The following NRP2 variants were observed in gnomAD, a reference collection of about 807,000 sequenced individuals.
NRP2 encodes the protein neuropilin-2.
A neutral mutation model predicts 110.4 loss-of-function variants in NRP2; 52 were observed. That is an observed-to-expected ratio of 0.47 (90% confidence interval 0.38 to 0.59). The LOEUF is 0.59. Among genes scored for constraint, NRP2 ranks in the 20% least tolerant of loss-of-function variants. The pLI is 0.00. For synonymous variants in NRP2, 508 were observed against 468.9 expected (o/e 1.08, Z -1.08); for missense variants, 1,049 against 1,203.0 (o/e 0.87, Z 1.89).
chr2:205,708,570 T>C (rs1433387016), intron 2 of NRP2, among the ~76,000 whole-genome samples: 2 of 152,154 alleles, frequency 1.3e-5, no homozygotes, highest in African/African-American at 4.8e-5. Context: ...GCCTGCTCCA[T>C]GAGGAACAAT....
rs1163774095 is a variant in NRP2, at chr2:205,740,547, A to G, written c.1175A>G (p.Glu392Gly). 2.5e-6 allele frequency: 4 copies of G among 1,614,230 alleles called. No individual in the cohort carries two copies. In the Admixed American group the frequency reaches 6.7e-5, roughly 27 times the overall value. ...TTTCAAGCCAACAACGATGCAACTGAGGTGGTTCTGAACAAGCTCCACGCT... is the reference window on the plus strand; with the variant it reads ...TTTCAAGCCAACAACGATGCAACTGGGGTGGTTCTGAACAAGCTCCACGCT... ...KVFQANNDAT[E>G]VVLNKLHAPL... Residue 392 changes from glutamate (E) to glycine (G), a missense_variant, in exon 8 of 17, where the codon GAG (glutamate) becomes GGG (glycine). Transcript: ENST00000357785.
At chr2:205,748,677 T>C (rs1198414525) in intron 10 of NRP2, among the ~76,000 whole-genome samples, 1 of 152,176 alleles carries the variant, frequency 6.6e-6, no homozygotes, top group East Asian at 1.9e-4. Flanking sequence ...TCACATACAG[T>C]AGTGCAAAGG....
intron 11 of NRP2, among the ~76,000 whole-genome samples, chr2:205,750,554 C>T (rs1332556591): frequency 6.6e-6 from 1 of 152,140 alleles, no homozygotes. Context: ...TAGATAAAAA[C>T]AATAATTGGC....
At chr2:205,773,111 C>G (rs986277483) in intron 15 of NRP2, among the ~76,000 whole-genome samples, 4 of 152,192 alleles carry the variant, frequency 2.6e-5, no homozygotes, top group African/African-American at 9.7e-5. Flanking sequence ...ATTGATTTAT[C>G]GTCTTCCTTT....
At chr2:205,740,692 G>A in intron 8 of NRP2, 29 bp downstream of exon 8, 1 of 1,613,152 alleles carries the variant, frequency 6.2e-7, no homozygotes, top group Non-Finnish European at 8.5e-7. Flanking sequence ...TGAGGTTGGG[G>A]TGCTGATTGA....
chr2:205,777,437 C>T (rs1358956444), intron 15 of NRP2: 1 of 152,224 alleles, frequency 6.6e-6, no homozygotes, highest in Non-Finnish European at 1.5e-5. Flanking sequence ...AATGTTTAGC[C>T]TTTATCAGTT....
At chr2:205,708,682 G>A (rs1049745941) in intron 2 of NRP2, among the ~76,000 whole-genome samples, 9 of 152,110 alleles carry the variant, frequency 5.9e-5, no homozygotes, top group Non-Finnish European at 1.0e-4. Flanking sequence ...TTGCCTTCAA[G>A]GTTTTTTGGA....
At chr2:205,789,585 C>A (rs1271659680) in intron 15 of NRP2, among the ~76,000 whole-genome samples, 2 of 152,226 alleles carry the variant, frequency 1.3e-5, no homozygotes, top group Non-Finnish European at 2.9e-5. Flanking sequence ...CTGTGGCTGC[C>A]ATTTCCCCTT....
At chr2:205,791,733 CT>C (rs1360852465) in intron 15 of NRP2, among the ~76,000 whole-genome samples, 12 of 151,842 alleles carry the variant, frequency 7.9e-5, no homozygotes, top group Admixed American at 7.2e-4. Flanking sequence ...TCCATTTCTG[CT>C]CTTAAATTAA....
chr2:205,778,658 TTA>T (rs2105952784), intron 15 of NRP2: 1 of 152,280 alleles, frequency 6.6e-6, no homozygotes, highest in Admixed American at 6.5e-5. Flanking sequence ...CATTGAGAAA[TTA>T]TGTCTGGAAA....
chr2:205,722,168 C>CTCTCTCTCTG (rs1181631757), intron 3 of NRP2: 3 of 361,290 alleles, frequency 8.3e-6, no homozygotes, highest in African/African-American at 7.1e-5. Flanking sequence ...CTCTCTCTCT[C>CTCTCTCTCTG]TCATACACAC....
chr2:205,700,885 C>A, intron 2 of NRP2: 1 of 382,244 alleles, frequency 2.6e-6, no homozygotes, highest in Non-Finnish European at 5.3e-6. Flanking sequence ...TGGGCAGAAA[C>A]CAGAGGCCAC....
intron 15 of NRP2, chr2:205,768,412 G>C (rs886838771): frequency 6.6e-6 from 1 of 152,284 alleles, no homozygotes; most frequent in Non-Finnish European, 1.5e-5. Context: ...GAGACTCACA[G>C]CTCCCAGAAA....
Position 205,725,802 on chromosome 2 carries a change from A to T in NRP2, c.821-111A>T. On this transcript the variant is annotated intron_variant, in intron 5 of 16. Transcript: ENST00000357785. The surrounding 1 kb of genome is among the most constrained non-coding windows in gnomAD (Gnocchi z 4.1). ...TGTGAGCATATAATTAGGGTCTTTTAAATGAGGAAGTGCCTGCAAGGACTT... is the reference window on the plus strand; with the variant it reads ...TGTGAGCATATAATTAGGGTCTTTTTAATGAGGAAGTGCCTGCAAGGACTT... 2 of 1,078,114 alleles carry T rather than the reference A, an allele frequency of 1.9e-6. No homozygotes were observed. The highest frequency in any genetic ancestry group is 2.9e-6 in the Non-Finnish European group (2 of 699,880). The allele number at this position is 1,078,114 out of a possible 1,614,324, so 66.8% of individuals were successfully genotyped here. A position where few individuals can be genotyped will look rare whatever the true frequency, so the allele number is the denominator to read the frequency against.
At chr2:205,701,364 C>A (rs1279923358) in intron 2 of NRP2, 1 of 151,952 alleles carries the variant, frequency 6.6e-6, no homozygotes, top group East Asian at 1.9e-4. Context: ...GGTGAAACCC[C>A]GTCTCTACTA....
At chr2:205,700,832 T>C (rs557100514) in intron 2 of NRP2, 1 of 494,044 alleles carries the variant, frequency 2.0e-6, no homozygotes, top group African/African-American at 1.9e-5. Context: ...GAAATGCAAA[T>C]CCTGGGCACC....
rs911799460 is a variant in NRP2, at chr2:205,688,860, A to AC, written c.73+5498dup. On this transcript the variant is annotated intron_variant, in intron 1 of 16. Coordinates refer to ENST00000357785, the MANE Select transcript of NRP2 (RefSeq NM_003872.3). ...GCAAAAAACAAAAAAACAAAACAAA[A>AC]CAAAAAAAACAAAAAAACCCTTCGA... is the stretch of plus-strand genomic sequence containing the variant. Among the ~76,000 whole-genome samples, 3 of 79,390 alleles carry AC rather than the reference A, an allele frequency of 3.8e-5. No individual in the cohort carries two copies. In the Admixed American group the frequency reaches 4.1e-4, roughly 11 times the overall value. The allele number at this position is 79,390 out of a possible 152,430, so 52.1% of individuals were successfully genotyped here.
rs552718450 is a variant in NRP2, at chr2:205,752,884, C to T, written c.1953C>T (p.Leu651=). Residue 651 remains leucine (L), a synonymous_variant, in exon 12 of 17, where the codon CTC becomes CTT. Transcript: ENST00000357785. ...PSGFNCNFDF[L]EEPCGWMYDH... ...GATTCAATTGCAACTTCGATTTCCT[C>T]GAGGAGCCCTGTGGTTGGATGTATG... is the stretch of plus-strand genomic sequence containing the variant. 275 of 1,614,192 alleles carry T rather than the reference C, an allele frequency of 1.7e-4. 2 individuals carry two copies. Among genetic ancestry groups the T allele is most frequent in the South Asian group, 1.2e-3 (111 of 91,076 alleles).
intron 2 of NRP2, among the ~76,000 whole-genome samples, chr2:205,703,634 G>T (rs548761880): frequency 2.6e-5 from 4 of 152,346 alleles, no homozygotes; most frequent in Admixed American, 2.0e-4. Context: ...TCCAGGTCCA[G>T]CCTAAGCTGG....
Sources: allele counts gnomAD v4.1 joint callset (sites outside exome capture counted in the v4.1 genomes callset), GRCh38; gene constraint gnomAD v4.1.1; non-coding constraint Gnocchi (gnomAD v3.1); transcripts MANE v1.5; gene names NCBI Gene and HGNC (gene_info 2026-07-23, HGNC 2026-07-21).